CABIN1: variants seen among roughly 807,000 people sequenced by gnomAD.
CABIN1 encodes calcineurin binding protein 1.
Under a neutral mutation model 227.7 loss-of-function variants are expected in CABIN1, and 133 were observed. The ratio of observed to expected loss-of-function variants is 0.58; its 90% CI spans 0.51 to 0.67. The LOEUF (loss-of-function observed/expected upper bound fraction) is 0.67, where lower values mean the gene tolerates loss of function less well. Ranked by LOEUF, CABIN1 falls within the 30% of genes least tolerant of loss-of-function variation. CABIN1 has a pLI of 0.00. For missense variants in CABIN1, 2,408 were observed against 2,852.5 expected (o/e 0.84, Z 3.55); for synonymous variants, 1,086 against 1,155.1 (o/e 0.94, Z 1.21).
chr22:24,098,373 G>A (rs1473688853), intron 26 of CABIN1, 181 bp downstream of exon 26: 2 of 1,358,636 alleles, frequency 1.5e-6, no homozygotes, highest in Non-Finnish European at 2.0e-6. Flanking sequence ...GTGCTTCCGA[G>A]ACATGCTCAG....
intron 6 of CABIN1, among the ~76,000 whole-genome samples, chr22:24,045,454 CTT>C (rs201647137): frequency 9.8e-5 from 14 of 142,266 alleles, no homozygotes; most frequent in African/African-American, 1.8e-4. Flanking sequence ...TTTAAAAATA[CTT>C]TTTTTTTTTT....
intron 4 of CABIN1, among the ~76,000 whole-genome samples, chr22:24,040,401 C>T (rs193086011): frequency 1.7e-3 from 255 of 152,274 alleles, no homozygotes; most frequent in African/African-American, 6.0e-3. Context: ...GTGGAAGCCA[C>T]CTGCCCCAGG....
chr22:24,151,571 A>T (rs1420502363), intron 29 of CABIN1, among the ~76,000 whole-genome samples: 1 of 152,034 alleles, frequency 6.6e-6, no homozygotes, highest in Non-Finnish European at 1.5e-5. Context: ...CTATTCTAGA[A>T]GCCTGGGCAG....
rs3221282 is a variant in CABIN1, at chr22:24,092,687, AGTGTGTGT to A, written c.3786+875_3786+882del. Among the ~76,000 whole-genome samples the A allele has an allele frequency of 2.8e-3, 383 of 138,810 alleles. 3 individuals are homozygous for A. The highest frequency in any genetic ancestry group is 8.2e-3 in the African/African-American group (301 of 36,548). 91.1% of individuals were successfully genotyped at this position (138,810 alleles called of 152,430 possible). A position where few individuals can be genotyped will look rare whatever the true frequency, so the allele number is the denominator to read the frequency against. On this transcript the variant is annotated intron_variant, in intron 24 of 36. Coordinates refer to ENST00000263119, the MANE Select transcript of CABIN1 (RefSeq NM_012295.4). Reference sequence around the variant, plus strand: ...TGTGATTTTTTTTCCTGATTATAAAAGTGTGTGTGTGTGTGTGTGTGTGTGTGTGTGTG... The same window carrying A: ...TGTGATTTTTTTTCCTGATTATAAAAGTGTGTGTGTGTGTGTGTGTGTGTG...
At position 24,036,267 on chromosome 22, in the gene CABIN1, C is replaced by T. The variant is rs1601714163; in HGVS notation, c.96+86C>T. 7 of 954,880 alleles carry T rather than the reference C, an allele frequency of 7.3e-6. No homozygotes were observed. In the East Asian group the frequency reaches 1.2e-4, roughly 16 times the overall value. 59.2% of individuals were successfully genotyped at this position (954,880 alleles called of 1,614,324 possible). A position where few individuals can be genotyped will look rare whatever the true frequency, so the allele number is the denominator to read the frequency against. The stretch of plus-strand genomic sequence containing the variant: ...TTTTAAATACATTTAGGCATCTCCT[C>T]AGTGGGGCTTTAGGGGGAAATTCCA... On this transcript the variant is annotated intron_variant, in intron 3 of 36. Coordinates refer to ENST00000263119, the MANE Select transcript of CABIN1 (RefSeq NM_012295.4).
intron 28 of CABIN1, among the ~76,000 whole-genome samples, chr22:24,126,159 C>T (rs562896958): frequency 6.6e-6 from 1 of 152,226 alleles, no homozygotes; most frequent in African/African-American, 2.4e-5. Flanking sequence ...TGCAGGTTCA[C>T]TCATTCAGCA....
At chr22:24,065,045 G>C (rs6004048) in intron 15 of CABIN1, among the ~76,000 whole-genome samples, 11,692 of 148,028 alleles carry the variant, frequency 0.079, 523 homozygotes, top group South Asian at 0.16. Context: ...ACCTCCCAGA[G>C]GGGGTGGTGG....
intron 29 of CABIN1, among the ~76,000 whole-genome samples, chr22:24,157,013 C>T (rs890638491): frequency 2.0e-5 from 3 of 152,064 alleles, no homozygotes; most frequent in Non-Finnish European, 4.4e-5. Flanking sequence ...GTGGATGGCG[C>T]GGGGAATCCC....
chr22:24,040,689 G>A (rs1178613054), intron 4 of CABIN1, among the ~76,000 whole-genome samples: 1 of 152,232 alleles, frequency 6.6e-6, no homozygotes, highest in African/African-American at 2.4e-5. Flanking sequence ...CATGTGATGA[G>A]TTATAGAGTT....
intron 1 of CABIN1, among the ~76,000 whole-genome samples, chr22:24,031,687 G>A (rs1425580401): frequency 6.6e-6 from 1 of 152,178 alleles, no homozygotes; most frequent in Non-Finnish European, 1.5e-5. Context: ...AGCCCAGTGG[G>A]TGAGCAGCAG....
At chr22:24,031,062 C>T (rs1204922498) in intron 1 of CABIN1, among the ~76,000 whole-genome samples, 2 of 152,204 alleles carry the variant, frequency 1.3e-5, no homozygotes, top group Non-Finnish European at 2.9e-5. Flanking sequence ...TGATGTTCTC[C>T]CACCCATGCA....
intron 1 of CABIN1, among the ~76,000 whole-genome samples, chr22:24,020,228 T>G (rs1380761463): frequency 6.6e-6 from 1 of 152,246 alleles, no homozygotes; most frequent in Non-Finnish European, 1.5e-5. Context: ...TGTCAGACTT[T>G]CCCTTCTGTG....
At chr22:24,172,086 C>T (rs2046847611) in intron 34 of CABIN1, 91 bp downstream of exon 34, 1 of 1,439,466 alleles carries the variant, frequency 6.9e-7, no homozygotes, top group Non-Finnish European at 9.4e-7. Flanking sequence ...GTAAGGGAGG[C>T]AAGCAGTGCC....
chr22:24,036,085 C>G lies in CABIN1; in HGVS notation c.4-4C>G. 6.2e-7 allele frequency: 1 copy of G among 1,611,270 alleles called. No homozygotes were observed. The highest frequency in any genetic ancestry group is 1.1e-5 in the South Asian group (1 of 91,030). ...TGTCTCTTCCACCAAACCCCTGTTT[C>G]TAGATTCGAATTGCAGCCTTAAATG... On this transcript the variant is annotated splice_region_variant and splice_polypyrimidine_tract_variant and intron_variant, in intron 2 of 36. Transcript: ENST00000263119.
At position 24,134,611 on chromosome 22, in the gene CABIN1, A is replaced by G. The variant is rs145639793; in HGVS notation, c.4746+196A>G. Among the ~76,000 whole-genome samples the G allele has an allele frequency of 2.5e-3, 381 of 152,266 alleles. No individual in the cohort carries two copies. The highest frequency in any genetic ancestry group is 9.0e-3 in the African/African-American group (372 of 41,560). On this transcript the variant is annotated intron_variant, in intron 29 of 36. Coordinates refer to ENST00000263119, the MANE Select transcript of CABIN1 (RefSeq NM_012295.4). ...TGTGATTGCTGAGCGACTTCTGGCAAGTCACTGCCCCCTCCTGTGGGGAGA... is the reference window on the plus strand; with the variant it reads ...TGTGATTGCTGAGCGACTTCTGGCAGGTCACTGCCCCCTCCTGTGGGGAGA...
At chr22:24,087,341 T>G in intron 22 of CABIN1, 111 bp from the exon 23 acceptor site, 1 of 1,390,914 alleles carries the variant, frequency 7.2e-7, no homozygotes. Context: ...TGAGCCCTGG[T>G]GTGGGAAGGG....
intron 29 of CABIN1, among the ~76,000 whole-genome samples, chr22:24,147,306 T>C (rs1408871476): frequency 3.3e-5 from 3 of 89,896 alleles, no homozygotes; most frequent in Non-Finnish European, 6.7e-5. Flanking sequence ...CCTGCCTCTC[T>C]GCCTCCCTCC....
At chr22:24,076,319 G>T (rs1293161110) in intron 19 of CABIN1, 35 bp downstream of exon 19, 1 of 1,547,670 alleles carries the variant, frequency 6.5e-7, no homozygotes, top group South Asian at 1.1e-5. Context: ...GACTGCCAGT[G>T]CGGGGCAGGG....
rs1331589898 is a variant in CABIN1 at position 24,171,950 on chromosome 22, C to A, written c.5995C>A (p.Pro1999Thr). The change falls in exon 34 of 37, where the codon CCA becomes ACA. Residue 1999 changes from proline (P) to threonine (T), a missense_variant. This residue lies in a region of CABIN1 where 714 missense variants were observed against 773.8 expected (regional missense o/e 0.92). Coordinates refer to ENST00000263119, the MANE Select transcript of CABIN1 (RefSeq NM_012295.4). ...GTCCAAGGACCCTGGGCCTCCCCGGCCACACAGGCCTGAAGCTACCCCCAG... is the reference window on the plus strand; with the variant it reads ...GTCCAAGGACCCTGGGCCTCCCCGGACACACAGGCCTGAAGCTACCCCCAG... ...DQSKDPGPPR[P>T]HRPEATPSMA... The A allele has an allele frequency of 6.2e-7, 1 of 1,613,488 alleles. No homozygotes were observed. The highest frequency in any genetic ancestry group is 8.5e-7 in the Non-Finnish European group (1 of 1,180,048).
Sources: allele counts gnomAD v4.1 joint callset (sites outside exome capture counted in the v4.1 genomes callset), GRCh38; gene constraint gnomAD v4.1.1; regional missense constraint gnomAD v4.1.1; transcripts MANE v1.5; gene names NCBI Gene and HGNC (gene_info 2026-07-23, HGNC 2026-07-21).